The following YIPF7 variants were observed in gnomAD, a reference collection of about 807,000 sequenced individuals.
The protein encoded by YIPF7 is Yip1 domain family member 7.
A neutral mutation model predicts 27.2 loss-of-function variants in YIPF7; 35 were observed. That is an observed-to-expected ratio of 1.29 (90% confidence interval 0.98 to 1.70). The LOEUF (loss-of-function observed/expected upper bound fraction) is 1.70. Among genes scored for constraint, YIPF7 ranks in the 40% most tolerant of loss-of-function variants. The probability of loss-of-function intolerance (pLI) is 0.00; values close to 1 mark genes in which losing one functional copy is unlikely to be tolerated. For missense variants in YIPF7, 358 were observed against 303.7 expected (o/e 1.18, Z -1.33); for synonymous variants, 137 against 110.4 (o/e 1.24, Z -1.51).
chr4:44,648,462 A>AT lies in YIPF7; in HGVS notation c.116+1522dup, dbSNP rs538368898. 1.1e-3 allele frequency among the ~76,000 whole-genome samples: 172 copies of AT among 152,258 alleles called. 1 individual carries two copies. Among genetic ancestry groups the AT allele is most frequent in the South Asian group, 1.9e-3 (9 of 4,826 alleles). ...GTGCTCCAATGAGTTAATGTATATA[A>AT]TTGAGGATCCAATGAATTAATTTAT... On this transcript the variant is annotated intron_variant, in intron 2 of 5. Coordinates refer to ENST00000415895, the MANE Select transcript of YIPF7 (RefSeq NM_182592.3).
intron 5 of YIPF7, 36 bp downstream of exon 5, chr4:44,624,565 T>C: frequency 3.9e-6 from 6 of 1,519,810 alleles, no homozygotes; most frequent in Non-Finnish European, 5.3e-6. Context: ...GCTATGATTG[T>C]GCATGTGGGG....
intron 1 of YIPF7, among the ~76,000 whole-genome samples, chr4:44,650,505 G>GCACACA (rs150789716): frequency 0.03 from 3,664 of 122,304 alleles, 56 homozygotes; most frequent in African/African-American, 0.068. Flanking sequence ...GCGCGCGCGC[G>GCACACA]CGCACACACA....
At chr4:44,655,686 A>C (rs1177360950), upstream of YIPF7, among the ~76,000 whole-genome samples, 1 of 152,092 alleles carries the variant, frequency 6.6e-6, no homozygotes, top group African/African-American at 2.4e-5. Flanking sequence ...ATTAATTCAG[A>C]GAAGAATAGA....
chr4:44,656,076 G>A (rs757117908), upstream of YIPF7, among the ~76,000 whole-genome samples: 12 of 151,874 alleles, frequency 7.9e-5, no homozygotes, highest in Non-Finnish European at 2.9e-5. Context: ...TTCTAGCAGA[G>A]TTATTGCTGA....
intron 2 of YIPF7, among the ~76,000 whole-genome samples, chr4:44,648,034 TATA>T (rs1274268557): frequency 3.3e-5 from 5 of 152,198 alleles, no homozygotes; most frequent in African/African-American, 9.6e-5. Context: ...GTCTTTATTT[TATA>T]ATAAGTCATA....
chr4:44,658,809 T>C (rs1239484104), intron 2 of YIPF7, among the ~76,000 whole-genome samples: 1 of 152,022 alleles, frequency 6.6e-6, no homozygotes, highest in Non-Finnish European at 1.5e-5. Context: ...TATAAAACCA[T>C]TGGATCTTTT....
chr4:44,661,851 C>T (rs1354603736), intron 1 of YIPF7, among the ~76,000 whole-genome samples: 1 of 152,180 alleles, frequency 6.6e-6, no homozygotes, highest in Non-Finnish European at 1.5e-5. Context: ...AGAATGGGGA[C>T]TTGGTCTTTA....
At chr4:44,645,938 A>G (rs1444839902) in intron 2 of YIPF7, among the ~76,000 whole-genome samples, 3 of 152,232 alleles carry the variant, frequency 2.0e-5, no homozygotes, top group Non-Finnish European at 4.4e-5. Flanking sequence ...GAGGTACACC[A>G]AATTGTTAAT....
intron 2 of YIPF7, among the ~76,000 whole-genome samples, chr4:44,659,642 G>A (rs184639056): frequency 6.6e-6 from 1 of 152,234 alleles, no homozygotes; most frequent in African/African-American, 2.4e-5. Context: ...TCTAGTTTTA[G>A]TAAGGCTGAA....
chr4:44,651,897 G>C (rs1162298656), upstream of YIPF7, among the ~76,000 whole-genome samples: 1 of 152,164 alleles, frequency 6.6e-6, no homozygotes, highest in Non-Finnish European at 1.5e-5. Context: ...CAGTTAAAAA[G>C]TAAGAGGCCT....
At chr4:44,623,833 G>A (rs989306782) in intron 5 of YIPF7, among the ~76,000 whole-genome samples, 2 of 152,134 alleles carry the variant, frequency 1.3e-5, no homozygotes, top group African/African-American at 4.8e-5. Flanking sequence ...CCTCATCAGG[G>A]TTCCTGGGAA....
At chr4:44,660,172 G>A (rs1281890348) in intron 2 of YIPF7, among the ~76,000 whole-genome samples, 3 of 145,714 alleles carry the variant, frequency 2.1e-5, no homozygotes, top group South Asian at 4.4e-4. Context: ...TAATATTAGA[G>A]GACTAGTTAA....
At chr4:44,640,506 A>G (rs1713288007) in intron 2 of YIPF7, among the ~76,000 whole-genome samples, 1 of 152,136 alleles carries the variant, frequency 6.6e-6, no homozygotes, top group African/African-American at 2.4e-5. Flanking sequence ...TTCTTGGGTA[A>G]AGTGTAGTCA....
chr4:44,637,766 C>T (rs1221166898), intron 2 of YIPF7, among the ~76,000 whole-genome samples: 1 of 152,024 alleles, frequency 6.6e-6, no homozygotes, highest in African/African-American at 2.4e-5. Flanking sequence ...CTCTCGAGTC[C>T]CCAAAGCCCA....
In YIPF7 at chr4:44,635,996, G is replaced by A; in HGVS notation, c.206C>T (p.Pro69Leu). ...TGAATAATAATCTGAGTTGGATGCT[G>A]GCTGAAAAAATTGTCCTGCGTAACC... ...SSGYAGQFFQ[P>L]ASNSDYYSQS... The change falls in exon 3 of 6, where the codon CCA becomes CTA. Residue 69 changes from proline (P) to leucine (L), a missense_variant. Pro to Leu is a moderately conservative substitution (Grantham distance 98). Coordinates refer to ENST00000415895, the MANE Select transcript of YIPF7 (RefSeq NM_182592.3). 6.2e-7 allele frequency: 1 copy of A among 1,613,860 alleles called. No homozygotes were observed. Among genetic ancestry groups the A allele is most frequent in the South Asian group, 1.1e-5 (1 of 91,076 alleles).
At position 44,625,290 on chromosome 4, in the gene YIPF7, C is replaced by T. The variant is rs147229046; in HGVS notation, c.427-508G>A. ...CCTTATGAAATCAGTATCATTATTACACCAACTTTACACATGAGGAAACTG... is the reference window on the plus strand; with the variant it reads ...CCTTATGAAATCAGTATCATTATTATACCAACTTTACACATGAGGAAACTG... On this transcript the variant is annotated intron_variant, in intron 4 of 5. Transcript: ENST00000415895. Among the ~76,000 whole-genome samples, 6 of 152,284 alleles carry T rather than the reference C, an allele frequency of 3.9e-5. No homozygotes were observed. The East Asian group carries it at 9.6e-4, about 24-fold the overall frequency.
At chr4:44,651,472 A>T in intron 1 of YIPF7, 82 bp downstream of exon 1, 1 of 792,040 alleles carries the variant, frequency 1.3e-6, no homozygotes, top group Non-Finnish European at 1.9e-6. Context: ...ATGTAACATG[A>T]CTATTGGTAC....
chr4:44,639,514 C>T (rs1713251578), intron 2 of YIPF7, among the ~76,000 whole-genome samples: 1 of 151,966 alleles, frequency 6.6e-6, no homozygotes, highest in African/African-American at 2.4e-5. Context: ...TATAGAAATG[C>T]TACTGATTTT....
chr4:44,656,565 G>C (rs535519406), upstream of YIPF7, among the ~76,000 whole-genome samples: 4 of 152,128 alleles, frequency 2.6e-5, no homozygotes, highest in African/African-American at 7.2e-5. Flanking sequence ...ACGGTAGCTG[G>C]CAAGTAGTAA....
Sources: allele counts gnomAD v4.1 joint callset (sites outside exome capture counted in the v4.1 genomes callset), GRCh38; gene constraint gnomAD v4.1.1; transcripts MANE v1.5; gene names NCBI Gene and HGNC (gene_info 2026-07-23, HGNC 2026-07-21).